Variants in MYO6 observed in about 807,000 individuals in gnomAD.
MYO6 encodes the protein unconventional myosin-VI.
MYO6 carries 74 observed loss-of-function variants against 178.7 expected under a neutral mutation model. That is an observed-to-expected ratio of 0.41 (90% CI 0.34 to 0.50). The LOEUF (loss-of-function observed/expected upper bound fraction) is 0.50. MYO6 is among the 20% of genes least tolerant of loss of function. MYO6 has a pLI of 0.09. For missense variants in MYO6, 1,330 were observed against 1,547.4 expected (o/e 0.86, Z 2.36); for synonymous variants, 477 against 504.6 (o/e 0.95, Z 0.73).
intron 31 of MYO6, among the ~76,000 whole-genome samples, 160 bp from the exon 32 acceptor site, chr6:75,908,336 T>C (rs1229755308): frequency 1.3e-5 from 2 of 152,194 alleles, no homozygotes; most frequent in African/African-American, 2.4e-5. Flanking sequence ...ACAATAATAT[T>C]ATAAAATGCT....
At chr6:75,914,367 T>A in intron 34 of MYO6, 86 bp downstream of exon 34, 1 of 1,328,662 alleles carries the variant, frequency 7.5e-7, no homozygotes, top group South Asian at 1.2e-5. Flanking sequence ...TATAATATAA[T>A]AATTTATTAC....
At chr6:75,778,112 A>G (rs1267831769) in intron 1 of MYO6, among the ~76,000 whole-genome samples, 1 of 151,978 alleles carries the variant, frequency 6.6e-6, no homozygotes, top group Non-Finnish European at 1.5e-5. Context: ...ATCCTGTTAC[A>G]CCCTCCTGAG....
At chr6:75,873,820 G>T (rs540468355) in intron 20 of MYO6, among the ~76,000 whole-genome samples, 1 of 152,028 alleles carries the variant, frequency 6.6e-6, no homozygotes, top group Non-Finnish European at 1.5e-5. Flanking sequence ...AATGAAACAC[G>T]ATTCCCTCTG....
intron 9 of MYO6, among the ~76,000 whole-genome samples, chr6:75,842,550 A>T (rs1489454120): frequency 1.3e-5 from 2 of 152,152 alleles, no homozygotes; most frequent in Admixed American, 6.5e-5. Context: ...AAATTTTAAA[A>T]GTCTGTTGTC....
chr6:75,892,747 T>C, intron 28 of MYO6, 57 bp downstream of exon 28: 3 of 1,576,354 alleles, frequency 1.9e-6, no homozygotes, highest in Non-Finnish European at 2.6e-6. Flanking sequence ...TCTACCTCTC[T>C]GCCTCTCATT....
In MYO6 at chr6:75,914,915, A is replaced by G; in HGVS notation, c.3761A>G (p.Glu1254Gly). The change falls in exon 35 of 35, where the codon GAA (glutamate) becomes GGA (glycine). Residue 1254 changes from glutamate (E) to glycine (G), a missense_variant. Glu to Gly is a moderately conservative substitution (Grantham distance 98). Around this residue, in one of 3 missense-constraint regions of MYO6, gnomAD observed 601 missense variants for 626.1 expected, o/e 0.96. Coordinates refer to ENST00000369977, the MANE Select transcript of MYO6 (RefSeq NM_004999.4). ...ILPRQFEEIW[E>G]RCGGIQYLQN... ...CCAAGACAGTTTGAAGAAATCTGGG[A>G]ACGCTGTGGAGGCATCCAGTACCTT... is the stretch of plus-strand genomic sequence containing the variant. The G allele has an allele frequency of 6.2e-7, 1 of 1,614,146 alleles. No individual in the cohort carries two copies. Among genetic ancestry groups the G allele is most frequent in the Non-Finnish European group, 8.5e-7 (1 of 1,180,018 alleles).
intron 9 of MYO6, among the ~76,000 whole-genome samples, chr6:75,842,197 C>G (rs1296795224): frequency 6.8e-6 from 1 of 146,646 alleles, no homozygotes; most frequent in Non-Finnish European, 1.5e-5. Flanking sequence ...CACACACACA[C>G]ACATGCACAC....
chr6:75,773,485 G>A (rs1462165601), intron 1 of MYO6, among the ~76,000 whole-genome samples: 2 of 152,196 alleles, frequency 1.3e-5, no homozygotes, highest in Admixed American at 6.5e-5. Context: ...AACAGTAGAA[G>A]GCTTGATCTT....
rs1164937029 is a variant in MYO6 at position 75,918,795 on chromosome 6, G to A, written c.*3783G>A. On this transcript the variant is annotated 3_prime_UTR_variant, in exon 35 of 35. Coordinates refer to ENST00000369977, the MANE Select transcript of MYO6 (RefSeq NM_004999.4). Reference sequence around the variant, plus strand: ...GGAAAAATTAATGCACATTCAAAAGGAGAATCTTCAGTACAAATTTGTTTT... The same window carrying A: ...GGAAAAATTAATGCACATTCAAAAGAAGAATCTTCAGTACAAATTTGTTTT... 6.6e-6 allele frequency: 1 copy of A among 152,202 alleles called. No homozygotes were observed. 9.4% of individuals were successfully genotyped at this position (152,202 alleles called of 1,614,324 possible).
intron 1 of MYO6, among the ~76,000 whole-genome samples, chr6:75,753,068 C>T (rs1777034106): frequency 6.6e-6 from 1 of 152,086 alleles, no homozygotes; most frequent in Non-Finnish European, 1.5e-5. Flanking sequence ...TGGAATATCC[C>T]TTGAGCCGCA....
intron 18 of MYO6, among the ~76,000 whole-genome samples, chr6:75,869,896 G>A (rs564832729): frequency 1.3e-5 from 2 of 152,088 alleles, no homozygotes; most frequent in Non-Finnish European, 2.9e-5. Context: ...TGTGGATCAC[G>A]AGGTCAGGAG....
intron 1 of MYO6, among the ~76,000 whole-genome samples, chr6:75,804,964 T>C (rs1769877903): frequency 7.0e-6 from 1 of 143,048 alleles, no homozygotes; most frequent in Non-Finnish European, 1.5e-5. Flanking sequence ...TACACATATA[T>C]ACACATATAT....
At chr6:75,862,168 G>T (rs1242902093) in intron 15 of MYO6, among the ~76,000 whole-genome samples, 1 of 152,206 alleles carries the variant, frequency 6.6e-6, no homozygotes, top group Non-Finnish European at 1.5e-5. Context: ...GTAAAAATGT[G>T]TTGTTACAGA....
rs720862 is a variant in MYO6, at chr6:75,898,266, T to A, written c.3138-107T>A. The A allele has an allele frequency of 0.37, 269,811 of 726,062 alleles. 52,331 individuals carry two copies. The highest frequency in any genetic ancestry group is 0.54 in the Admixed American group (20,403 of 37,898). 45.0% of individuals were successfully genotyped at this position (726,062 alleles called of 1,614,324 possible). A position where few individuals can be genotyped will look rare whatever the true frequency, so the allele number is the denominator to read the frequency against. On this transcript the variant is annotated intron_variant, in intron 29 of 34. Coordinates refer to ENST00000369977, the MANE Select transcript of MYO6 (RefSeq NM_004999.4). ...AAAGTAAAACAGTTATGAACAGTTGTTAAATAATATTGAAAATATATATTT... is the reference window on the plus strand; with the variant it reads ...AAAGTAAAACAGTTATGAACAGTTGATAAATAATATTGAAAATATATATTT...
intron 1 of MYO6, among the ~76,000 whole-genome samples, chr6:75,767,649 A>G (rs1778553049): frequency 6.6e-6 from 1 of 150,904 alleles, no homozygotes; most frequent in Non-Finnish European, 1.5e-5. Flanking sequence ...CCTCTGAGTA[A>G]CTGAGACTAC....
At chr6:75,894,109 A>G (rs2149377967) in intron 28 of MYO6, among the ~76,000 whole-genome samples, 1 of 152,312 alleles carries the variant, frequency 6.6e-6, no homozygotes, top group South Asian at 2.1e-4. Flanking sequence ...TAATGGAGTC[A>G]TTGTTGGTAC....
At chr6:75,903,676 T>C (rs1780015281) in intron 30 of MYO6, among the ~76,000 whole-genome samples, 1 of 151,956 alleles carries the variant, frequency 6.6e-6, no homozygotes, top group Admixed American at 6.6e-5. Flanking sequence ...CTTGACTCTT[T>C]ATCCAGTTTG....
intron 1 of MYO6, among the ~76,000 whole-genome samples, chr6:75,815,100 A>G (rs1033849895): frequency 2.0e-5 from 3 of 152,188 alleles, no homozygotes; most frequent in Non-Finnish European, 4.4e-5. Flanking sequence ...GAGTAGAAGC[A>G]GGCAGCTGAG....
chr6:75,767,604 C>CT (rs1275015976), intron 1 of MYO6, among the ~76,000 whole-genome samples: 2 of 147,612 alleles, frequency 1.4e-5, no homozygotes, highest in Non-Finnish European at 3.0e-5. Flanking sequence ...ATTGCAGTCT[C>CT]TGTCTTCCGG....
Sources: gnomAD v4.1 joint callset for allele counts (sites outside exome capture counted in the v4.1 genomes callset) on GRCh38, gnomAD v4.1.1 for gene constraint, gnomAD v4.1.1 regional missense constraint, MANE v1.5 for transcripts, NCBI Gene and HGNC (gene_info 2026-07-23, HGNC 2026-07-21) for gene names.